Variants in ITCH observed in about 807,000 individuals in gnomAD.
ITCH encodes E3 ubiquitin-protein ligase Itchy homolog.
A neutral mutation model predicts 126.8 loss-of-function variants in ITCH; 28 were observed. The ratio of observed to expected loss-of-function variants is 0.22; its 90% CI spans 0.16 to 0.30. ITCH has a LOEUF of 0.30. Among genes scored for constraint, ITCH ranks in the 10% least tolerant of loss-of-function variants. The pLI is 1.00. For missense variants in ITCH, 631 were observed against 1,032.4 expected (o/e 0.61, Z 5.33); for synonymous variants, 342 against 340.0 (o/e 1.01, Z -0.06).
At position 34,413,750 on chromosome 20, in the gene ITCH, G is replaced by C; in HGVS notation, c.346G>C (p.Val116Leu). Residue 116 changes from valine to leucine, a missense_variant, in exon 6 of 25, where the codon GTA becomes CTA. Coordinates refer to ENST00000374864, the MANE Select transcript of ITCH (RefSeq NM_031483.7). ...ACTTTATTTTCTTCCAGTTGAAGAA[G>C]TAGTTGTGACTTTGCAGCTTGGAGG... ...LKSNNMKLEE[V>L]VVTLQLGGDK... 6.2e-7 allele frequency: 1 copy of C among 1,604,076 alleles called. No individual in the cohort carries two copies. The highest frequency in any genetic ancestry group is 8.5e-7 in the Non-Finnish European group (1 of 1,174,870).
chr20:34,430,951 G>C lies in ITCH; in HGVS notation c.521+6426G>C, dbSNP rs564359794. On this transcript the variant is annotated intron_variant, in intron 7 of 24. Transcript: ENST00000374864. The stretch of plus-strand genomic sequence containing the variant: ...AGGCTAGAACTGAGGCAATGATGGT[G>C]GAAGAGTAGAGGGAGAATGTGAAAG... 1.2e-4 allele frequency among the ~76,000 whole-genome samples: 18 copies of C among 152,310 alleles called. 1 individual carries two copies. The South Asian group carries it at 3.7e-3, about 32-fold the overall frequency.
chr20:34,402,263 C>T, intron 3 of ITCH: 2 of 1,252,548 alleles, frequency 1.6e-6, no homozygotes, highest in Non-Finnish European at 2.3e-6. Context: ...ACTCCACGTA[C>T]TTGACAGTCT....
chr20:34,480,648 A>G lies in ITCH; in HGVS notation c.1868A>G (p.Tyr623Cys), dbSNP rs1431712264. 5 of 1,613,386 alleles carry G rather than the reference A, an allele frequency of 3.1e-6. No homozygotes were observed. The highest frequency in any genetic ancestry group is 2.2e-5 in the East Asian group (1 of 44,826). The change falls in exon 19 of 25, where the codon TAT becomes TGT. Residue 623 changes from tyrosine to cysteine, a missense_variant. By Grantham distance (194) the Tyr-to-Cys change is radical (BLOSUM62 -2). This residue lies in a region of ITCH where 390 missense variants were observed against 731.6 expected (regional missense o/e 0.53). Transcript: ENST00000374864. Reference sequence around the variant, plus strand: ...GACACGGGTTTTTCTTTACCATTCTATAAGCGTATCTTGAACAAACCAGTT... The same window carrying G: ...GACACGGGTTTTTCTTTACCATTCTGTAAGCGTATCTTGAACAAACCAGTT... ...FIDTGFSLPFYKRILNKPVGL... is the reference protein window; with the variant it reads ...FIDTGFSLPFCKRILNKPVGL...
intron 12 of ITCH, among the ~76,000 whole-genome samples, chr20:34,450,593 G>C (rs952476919): frequency 1.3e-5 from 2 of 152,192 alleles, no homozygotes; most frequent in Non-Finnish European, 2.9e-5. Context: ...TGGCAGTATA[G>C]AAAGTTTTGC....
chr20:34,482,584 C>T lies in ITCH; in HGVS notation c.2093+1378C>T, dbSNP rs1179316673. 2.0e-5 allele frequency among the ~76,000 whole-genome samples: 3 copies of T among 152,312 alleles called. No homozygotes were observed. In the East Asian group the frequency reaches 5.8e-4, roughly 29 times the overall value. On this transcript the variant is annotated intron_variant, in intron 20 of 24. Coordinates refer to ENST00000374864, the MANE Select transcript of ITCH (RefSeq NM_031483.7). ...CAAGTCACCCTGATGTAAGAGGTGGCCTCCCATGGCCTTGGGCAACACTGC... is the reference window on the plus strand; with the variant it reads ...CAAGTCACCCTGATGTAAGAGGTGGTCTCCCATGGCCTTGGGCAACACTGC...
At chr20:34,489,462 C>T in intron 21 of ITCH, 76 bp downstream of exon 21, 2 of 1,359,514 alleles carry the variant, frequency 1.5e-6, no homozygotes. Context: ...AACTCACTTT[C>T]CCATCTTTCC....
intron 7 of ITCH, among the ~76,000 whole-genome samples, chr20:34,435,264 G>A (rs1982861813): frequency 6.6e-6 from 1 of 151,988 alleles, no homozygotes; most frequent in Non-Finnish European, 1.5e-5. Flanking sequence ...AGCCTCTTGG[G>A]TTCAAGCGAT....
rs1242163950 is a variant in ITCH at position 34,403,310 on chromosome 20, A to C, written c.71-5341A>C. The stretch of plus-strand genomic sequence containing the variant: ...TCAGAGAGATACACTGAAGAACTGA[A>C]ATCAGTTCAAAGCACTGACCTTCAG... On this transcript the variant is annotated intron_variant, in intron 3 of 24. Coordinates refer to ENST00000374864, the MANE Select transcript of ITCH (RefSeq NM_031483.7). Among the ~76,000 whole-genome samples the C allele has an allele frequency of 1.1e-4, 16 of 152,326 alleles. 1 individual carries two copies. In the South Asian group the frequency reaches 2.7e-3, roughly 26 times the overall value.
At chr20:34,432,264 A>T (rs1188099697) in intron 7 of ITCH, among the ~76,000 whole-genome samples, 2 of 152,152 alleles carry the variant, frequency 1.3e-5, no homozygotes, top group African/African-American at 2.4e-5. Context: ...AGAAGAAAAT[A>T]TGAATAGTTA....
At chr20:34,450,518 T>G (rs1985064794) in intron 12 of ITCH, among the ~76,000 whole-genome samples, 1 of 152,180 alleles carries the variant, frequency 6.6e-6, no homozygotes, top group Non-Finnish European at 1.5e-5. Context: ...CCTACCCTAC[T>G]AGGTTCTATT....
chr20:34,394,237 A>C (rs1229826692), intron 3 of ITCH, among the ~76,000 whole-genome samples: 1 of 151,300 alleles, frequency 6.6e-6, no homozygotes, highest in African/African-American at 2.4e-5. Context: ...AAAAAACTTA[A>C]GAGAACAAAA....
At position 34,412,629 on chromosome 20, in the gene ITCH, C is replaced by A; in HGVS notation, c.327C>A (p.Asn109Lys). ...ALDIYETLKS[N>K]NMKLEEVVVT... ...ATATTTATGAAACATTAAAGTCAAA[C>A]AATATGAAACGTATGTATGTAAGAC... The change falls in exon 5 of 25, where the codon AAC becomes AAA. Residue 109 changes from asparagine to lysine, a missense_variant. By Grantham distance (94) the Asn-to-Lys change is moderately conservative. Coordinates refer to ENST00000374864, the MANE Select transcript of ITCH (RefSeq NM_031483.7). 6.2e-7 allele frequency: 1 copy of A among 1,606,580 alleles called. No individual in the cohort carries two copies. The highest frequency in any genetic ancestry group is 8.5e-7 in the Non-Finnish European group (1 of 1,173,634).
intron 14 of ITCH, chr20:34,466,293 C>T: frequency 2.0e-6 from 1 of 488,018 alleles, no homozygotes. Flanking sequence ...TTAAAGTGTG[C>T]TTTTAATATG....
intron 23 of ITCH, among the ~76,000 whole-genome samples, chr20:34,501,504 G>A (rs1023943625): frequency 5.3e-5 from 8 of 152,166 alleles, no homozygotes; most frequent in East Asian, 3.8e-4. Context: ...GGCTGAGTGC[G>A]GTGGCTCACG....
intron 2 of ITCH, among the ~76,000 whole-genome samples, chr20:34,374,874 G>T (rs2037773768): frequency 6.6e-6 from 1 of 151,840 alleles, no homozygotes; most frequent in Non-Finnish European, 1.5e-5. Context: ...CAAGTAGCTG[G>T]AATTACAGGT....
rs1278627121 is a variant in ITCH, at chr20:34,507,283, TTTTTTTG to T, written c.2490-411_2490-405del. On this transcript the variant is annotated intron_variant, in intron 24 of 24. Transcript: ENST00000374864. Reference sequence around the variant, plus strand: ...CTTCTGTTTTTTTTTTTTTTTTTTTTTTTTTTGGTTGTTGTTGTTGTTGTTTTGGTGT... The same window carrying T: ...CTTCTGTTTTTTTTTTTTTTTTTTTTGTTGTTGTTGTTGTTGTTTTGGTGT... 6.8e-4 allele frequency among the ~76,000 whole-genome samples: 65 copies of T among 95,766 alleles called. 1 individual carries two copies. Among genetic ancestry groups the T allele is most frequent in the East Asian group, 1.8e-3 (7 of 3,862 alleles). The allele number at this position is 95,766 out of a possible 152,430, so 62.8% of individuals were successfully genotyped here.
At chr20:34,477,101 C>T (rs940756684) in intron 16 of ITCH, among the ~76,000 whole-genome samples, 2 of 152,166 alleles carry the variant, frequency 1.3e-5, no homozygotes, top group African/African-American at 4.8e-5. Context: ...TTAGCTGTTA[C>T]GTGTACCTTT....
chr20:34,402,558 A>C, intron 3 of ITCH: 1 of 726,348 alleles, frequency 1.4e-6, no homozygotes. Context: ...CAAAAAGTCC[A>C]AGAGTATATG....
At chr20:34,370,893 G>A (rs2037598245) in intron 2 of ITCH, among the ~76,000 whole-genome samples, 1 of 152,138 alleles carries the variant, frequency 6.6e-6, no homozygotes, top group African/African-American at 2.4e-5. Context: ...CTGAGGCTGG[G>A]CGCGGTGGCT....
Sources: allele counts gnomAD v4.1 joint callset (sites outside exome capture counted in the v4.1 genomes callset), GRCh38; gene constraint gnomAD v4.1.1; regional missense constraint gnomAD v4.1.1; transcripts MANE v1.5; gene names NCBI Gene and HGNC (gene_info 2026-07-23, HGNC 2026-07-21).